TEKT5: variants seen among roughly 807,000 people sequenced by gnomAD.
The protein encoded by TEKT5 is tektin 5.
In TEKT5, 52 loss-of-function variants were observed where a neutral mutation model predicts 48.7. That is an observed-to-expected ratio of 1.07 (90% CI 0.86 to 1.35). TEKT5 has a LOEUF of 1.35. TEKT5 is among the 40% of genes most tolerant of loss of function. TEKT5 has a pLI of 0.00. For missense variants in TEKT5, 831 were observed against 641.6 expected (o/e 1.30, Z -3.19); for synonymous variants, 318 against 267.6 (o/e 1.19, Z -1.84).
At chr16:10,657,543 A>G (rs1283430606) in intron 5 of TEKT5, among the ~76,000 whole-genome samples, 1 of 152,148 alleles carries the variant, frequency 6.6e-6, no homozygotes, top group African/African-American at 2.4e-5. Context: ...TTTAAGTGGT[A>G]AATGATAACA....
At chr16:10,650,587 G>A (rs1898139555) in intron 5 of TEKT5, among the ~76,000 whole-genome samples, 2 of 147,372 alleles carry the variant, frequency 1.4e-5, no homozygotes, top group East Asian at 4.1e-4. Context: ...TAGAAGGGAG[G>A]AAAAAAGCCA....
At chr16:10,693,729 TC>T (rs1268145788) in intron 1 of TEKT5, among the ~76,000 whole-genome samples, 1 of 152,200 alleles carries the variant, frequency 6.6e-6, no homozygotes, top group Non-Finnish European at 1.5e-5. Flanking sequence ...ATGCCTGCAA[TC>T]CCAGCACTCT....
chr16:10,641,858 T>C (rs1449268158), intron 5 of TEKT5, among the ~76,000 whole-genome samples: 3 of 152,148 alleles, frequency 2.0e-5, no homozygotes, highest in Non-Finnish European at 4.4e-5. Flanking sequence ...GAGAAAGGGA[T>C]CCTGTCCCTT....
Position 10,692,275 on chromosome 16 carries a change from C to A in TEKT5, c.564+2035G>T, listed in dbSNP as rs78748226. ...TGTAGGGCTCTGAAAAGCTGCCCTG[C>A]CCATCATTCTTCCCAGGGAGAATCT... On this transcript the variant is annotated intron_variant, in intron 1 of 6. Transcript: ENST00000283025. Among the ~76,000 whole-genome samples the A allele has an allele frequency of 0.016, 2,368 of 152,174 alleles. 131 individuals are homozygous for A. The East Asian group carries it at 0.17, about 11-fold the overall frequency.
chr16:10,662,781 G>T (rs1596410322), intron 5 of TEKT5, among the ~76,000 whole-genome samples: 1 of 152,150 alleles, frequency 6.6e-6, no homozygotes, highest in South Asian at 2.1e-4. Flanking sequence ...GGTTAGTGGT[G>T]GGGACTTTAG....
At chr16:10,630,451 G>C (rs1220248958) in intron 6 of TEKT5, among the ~76,000 whole-genome samples, 2 of 151,958 alleles carry the variant, frequency 1.3e-5, no homozygotes, top group Non-Finnish European at 2.9e-5. Flanking sequence ...TTTGCCTCCA[G>C]GTTGGTCTCA....
intron 4 of TEKT5, among the ~76,000 whole-genome samples, chr16:10,677,324 G>C (rs769151313): frequency 3.7e-5 from 5 of 133,532 alleles, no homozygotes; most frequent in Non-Finnish European, 1.5e-5. Flanking sequence ...GAAAATGTAT[G>C]AAGTGCTGAA....
At chr16:10,672,420 C>T (rs546167918) in intron 5 of TEKT5, among the ~76,000 whole-genome samples, 3 of 152,086 alleles carry the variant, frequency 2.0e-5, no homozygotes, top group East Asian at 3.9e-4. Context: ...GGCAAAACGC[C>T]GTCTCTACAA....
chr16:10,673,405 A>G (rs1208907457), intron 5 of TEKT5, among the ~76,000 whole-genome samples: 1 of 152,184 alleles, frequency 6.6e-6, no homozygotes, highest in Non-Finnish European at 1.5e-5. Context: ...AAAGCTGAAA[A>G]CAGTTATCAT....
chr16:10,637,069 C>T (rs1897925021), intron 5 of TEKT5, among the ~76,000 whole-genome samples: 1 of 151,446 alleles, frequency 6.6e-6, no homozygotes, highest in Admixed American at 6.6e-5. Context: ...GCAAACTCCG[C>T]CTCCGGGGTT....
chr16:10,675,814 G>T, intron 5 of TEKT5, 145 bp downstream of exon 5: 1 of 752,598 alleles, frequency 1.3e-6, no homozygotes, highest in Non-Finnish European at 2.2e-6. Flanking sequence ...CCCCTTTTAG[G>T]AAGAAAAAGA....
intron 5 of TEKT5, among the ~76,000 whole-genome samples, chr16:10,665,654 C>G (rs865826456): frequency 6.6e-6 from 1 of 152,168 alleles, no homozygotes; most frequent in Non-Finnish European, 1.5e-5. Context: ...ACCAGCCCAC[C>G]TTTTGGCACA....
intron 5 of TEKT5, among the ~76,000 whole-genome samples, chr16:10,661,195 T>G (rs148888723): frequency 0.015 from 2,284 of 152,288 alleles, 62 homozygotes; most frequent in African/African-American, 0.05. Flanking sequence ...GGGCGGGGAT[T>G]TGGCCCTTGG....
At chr16:10,629,487 G>A (rs1195755315) in intron 6 of TEKT5, among the ~76,000 whole-genome samples, 1 of 152,134 alleles carries the variant, frequency 6.6e-6, no homozygotes, top group Admixed American at 6.5e-5. Flanking sequence ...CTAAGCTCAG[G>A]CAATCCGCCA....
chr16:10,652,723 A>C (rs868043546), intron 5 of TEKT5, among the ~76,000 whole-genome samples: 1,380 of 62,508 alleles, frequency 0.022, 81 homozygotes, highest in South Asian at 0.029. Flanking sequence ...ACACACACAC[A>C]CCCTCCAGGC....
At chr16:10,675,670 G>A (rs774020945) in intron 5 of TEKT5, among the ~76,000 whole-genome samples, 1 of 152,220 alleles carries the variant, frequency 6.6e-6, no homozygotes, top group Non-Finnish European at 1.5e-5. Flanking sequence ...TCGGCCACAT[G>A]GGTCTTAGAT....
chr16:10,652,560 C>CACA, intron 5 of TEKT5, among the ~76,000 whole-genome samples: 1 of 124,818 alleles, frequency 8.0e-6, no homozygotes, highest in Non-Finnish European at 1.7e-5. Flanking sequence ...CACACACACA[C>CACA]CCCCTCCAGG....
At chr16:10,628,288 A>G (rs1365294474) in intron 6 of TEKT5, among the ~76,000 whole-genome samples, 1 of 152,226 alleles carries the variant, frequency 6.6e-6, no homozygotes, top group African/African-American at 2.4e-5. Context: ...ACAAGTAAAT[A>G]CACAAGAGAA....
At chr16:10,690,069 T>G (rs1219659590) in intron 1 of TEKT5, 44 bp from the exon 2 acceptor site, 7 of 1,600,656 alleles carry the variant, frequency 4.4e-6, no homozygotes, top group Non-Finnish European at 6.0e-6. Context: ...TGTAGCTGTA[T>G]GTAGACCCTG....
Sources: gnomAD v4.1 joint callset for allele counts (sites outside exome capture counted in the v4.1 genomes callset) on GRCh38, gnomAD v4.1.1 for gene constraint, MANE v1.5 for transcripts, NCBI Gene and HGNC (gene_info 2026-07-23, HGNC 2026-07-21) for gene names.